The following ZNF44 variants were observed in gnomAD, a reference collection of about 807,000 sequenced individuals.
The protein encoded by ZNF44 is zinc finger protein 44, also known as gonadotropin inducible transcription repressor-2.
ZNF44 carries 9 observed loss-of-function variants against 11.7 expected under a neutral mutation model. The observed-to-expected ratio is 0.77, with a 90% CI of 0.46 to 1.35. The LOEUF (loss-of-function observed/expected upper bound fraction) is 1.35. Among genes scored for constraint, ZNF44 ranks in the 40% most tolerant of loss-of-function variants. The pLI, the probability that ZNF44 is intolerant of heterozygous loss-of-function variation, is 0.00. For synonymous variants in ZNF44, 224 were observed against 242.7 expected, an observed-to-expected ratio of 0.92 and a Z score of 0.72; for missense variants, 696 against 743.1, an observed-to-expected ratio of 0.94 and a Z score of 0.74.
chr19:12,293,806 A>C (rs569396631), intron 1 of ZNF44, among the ~76,000 whole-genome samples: 1 of 152,206 alleles, frequency 6.6e-6, no homozygotes, highest in South Asian at 2.1e-4. Context: ...CCTTGGAAAG[A>C]AAGGACTGAA....
rs1473577222 is a variant in ZNF44 at position 12,248,110 on chromosome 19, C to CA, written c.*754dup. The CA allele has an allele frequency of 4.6e-6, 6 of 1,306,288 alleles. 1 individual carries two copies. The South Asian group carries it at 7.3e-5, about 16-fold the overall frequency. The allele number at this position is 1,306,288 out of a possible 1,614,324, so 80.9% of individuals were successfully genotyped here. ...TAGGTTTTTCCACATTGTTTACATT[C>CA]ATAGCGTTTCTGTACAGTGTGATTC... On this transcript the variant is annotated 3_prime_UTR_variant and NMD_transcript_variant, in exon 8 of 8. Coordinates refer to the ZNF44 transcript ENST00000393337.
chr19:12,274,216 C>A (rs1387098698), intron 3 of ZNF44, among the ~76,000 whole-genome samples, 153 bp from the exon 4 acceptor site: 1 of 150,706 alleles, frequency 6.6e-6, no homozygotes, highest in Non-Finnish European at 1.5e-5. Context: ...CAAGATAACT[C>A]AATCCCAGCT....
intron 1 of ZNF44, among the ~76,000 whole-genome samples, chr19:12,292,119 G>A (rs557597353): frequency 1.1e-4 from 16 of 151,296 alleles, no homozygotes; most frequent in South Asian, 2.1e-4. Flanking sequence ...ACTTGAGCCC[G>A]GGACTTCAAG....
chr19:12,236,032 T>C (rs567822984), intron 1 of ZNF44, among the ~76,000 whole-genome samples: 1 of 152,308 alleles, frequency 6.6e-6, no homozygotes, highest in East Asian at 1.9e-4. Flanking sequence ...AGAAAAATAT[T>C]TTAAAAAGAG....
intron 1 of ZNF44, among the ~76,000 whole-genome samples, chr19:12,292,682 G>T (rs1486824520): frequency 6.6e-6 from 1 of 151,956 alleles, no homozygotes; most frequent in Admixed American, 6.6e-5. Context: ...CATTGGGTGG[G>T]TTTTTCAGTT....
intron 1 of ZNF44, among the ~76,000 whole-genome samples, chr19:12,283,606 G>A (rs1341468101): frequency 1.3e-5 from 2 of 152,162 alleles, no homozygotes; most frequent in Non-Finnish European, 2.9e-5. Context: ...TGGGATTACA[G>A]GCATAAGCCA....
intron 1 of ZNF44, among the ~76,000 whole-genome samples, chr19:12,294,072 C>A (rs186324632): frequency 2.0e-5 from 3 of 152,306 alleles, no homozygotes; most frequent in Non-Finnish European, 2.9e-5. Context: ...GGGATAAGAT[C>A]TCTGAGAGTT....
downstream of ZNF44, among the ~76,000 whole-genome samples, chr19:12,270,452 C>G (rs1324075241): frequency 6.8e-6 from 1 of 147,224 alleles, no homozygotes; most frequent in African/African-American, 2.5e-5. Flanking sequence ...CCCATTTCAA[C>G]TTTTTTTTTT....
intron 1 of ZNF44, among the ~76,000 whole-genome samples, chr19:12,280,233 T>C (rs531441906): frequency 6.6e-6 from 1 of 152,044 alleles, no homozygotes; most frequent in Non-Finnish European, 1.5e-5. Flanking sequence ...GAAAAAATAA[T>C]AATATCAACA....
At chr19:12,250,396 A>G (rs777782956) in intron 5 of ZNF44, 1 of 1,334,970 alleles carries the variant, frequency 7.5e-7, no homozygotes. Flanking sequence ...TGTGTAAAGG[A>G]GAATGGGTGA....
Position 12,274,076 on chromosome 19 carries a change from A to C in ZNF44, c.192-13T>G, listed in dbSNP as rs1297787881. On this transcript the variant is annotated splice_polypyrimidine_tract_variant and intron_variant, in intron 3 of 3. Transcript: ENST00000355684. ...TACCACATCACACCTGTAAAAAATG[A>C]AAAGTACATTACTAAAGGTTTATTA... The C allele has an allele frequency of 1.3e-6, 2 of 1,583,262 alleles. No individual in the cohort carries two copies. Among genetic ancestry groups the C allele is most frequent in the African/African-American group, 2.7e-5 (2 of 73,828 alleles).
intron 5 of ZNF44, chr19:12,260,450 AGCCATCCGCAGGGTCAGC>A: frequency 7.2e-7 from 1 of 1,391,060 alleles, no homozygotes. Flanking sequence ...TGCGCATGGC[AGCCATCCGCAGGGTCAGC>A]GCCATCCTGT....
At chr19:12,288,702 G>C (rs536218285) in intron 1 of ZNF44, among the ~76,000 whole-genome samples, 1 of 145,978 alleles carries the variant, frequency 6.9e-6, no homozygotes, top group East Asian at 2.0e-4. Flanking sequence ...AGGTTGCAGT[G>C]AGCCAAGATC....
chr19:12,269,779 A>G (rs773123348), downstream of ZNF44, among the ~76,000 whole-genome samples: 10 of 152,192 alleles, frequency 6.6e-5, no homozygotes, highest in Non-Finnish European at 1.3e-4. Context: ...TTTCTCCCCA[A>G]TGAGCACTGG....
chr19:12,261,159 G>A (rs544665563), intron 5 of ZNF44, among the ~76,000 whole-genome samples: 7 of 152,336 alleles, frequency 4.6e-5, no homozygotes, highest in Admixed American at 6.5e-5. Context: ...GGGGCTGGGC[G>A]CAAGTTCCTC....
At chr19:12,271,276 A>G (rs1261689665), downstream of ZNF44, among the ~76,000 whole-genome samples, 1 of 152,206 alleles carries the variant, frequency 6.6e-6, no homozygotes, top group African/African-American at 2.4e-5. Context: ...TTTTTTAGGG[A>G]TTCAAAGAAA....
intron 5 of ZNF44, among the ~76,000 whole-genome samples, chr19:12,264,894 C>T (rs143393833): frequency 1.7e-3 from 256 of 152,076 alleles, no homozygotes; most frequent in African/African-American, 5.8e-3. Flanking sequence ...GACAGGGTTT[C>T]GCCATGTTGC....
intron 5 of ZNF44, among the ~76,000 whole-genome samples, chr19:12,253,468 GCGTGAGCCACTGTACC>G (rs923069676): frequency 2.0e-4 from 30 of 152,168 alleles, no homozygotes; most frequent in Middle Eastern, 3.4e-3. Context: ...GGTATTACAG[GCGTGAGCCACTGTACC>G]CGCCCAAGGA....
At chr19:12,278,338 A>G (rs749993826) in intron 1 of ZNF44, among the ~76,000 whole-genome samples, 2 of 152,216 alleles carry the variant, frequency 1.3e-5, no homozygotes, top group African/African-American at 2.4e-5. Context: ...CTTACTGTCA[A>G]TAAATATGTG....
Sources: allele counts gnomAD v4.1 joint callset (sites outside exome capture counted in the v4.1 genomes callset), GRCh38; gene constraint gnomAD v4.1.1; transcripts MANE v1.5; gene names NCBI Gene and HGNC (gene_info 2026-07-23, HGNC 2026-07-21).